Variants in PKHD1 observed in about 807,000 individuals in gnomAD.
PKHD1 encodes PKHD1 ciliary IPT domain containing fibrocystin/polyductin.
PKHD1 carries 291 observed loss-of-function variants against 412.0 expected under a neutral mutation model. The ratio of observed to expected loss-of-function variants is 0.71; its 90% confidence interval spans 0.64 to 0.78. The LOEUF (loss-of-function observed/expected upper bound fraction) is 0.78, where lower values mean the gene tolerates loss of function less well. PKHD1 is among the 30% of genes least tolerant of loss of function. PKHD1 has a pLI of 0.00. For synonymous variants in PKHD1, 1,777 were observed against 1,821.5 expected (o/e 0.98, Z 0.62); for missense variants, 4,825 against 4,950.7 (o/e 0.97, Z 0.76).
chr6:51,813,264 G>A (rs1338707238), intron 52 of PKHD1, among the ~76,000 whole-genome samples: 1 of 152,096 alleles, frequency 6.6e-6, no homozygotes, highest in African/African-American at 2.4e-5. Flanking sequence ...GTCAAACATG[G>A]TGCCAATGTC....
intron 60 of PKHD1, among the ~76,000 whole-genome samples, chr6:51,676,258 A>G (rs1177727464): frequency 6.6e-6 from 1 of 151,278 alleles, no homozygotes; most frequent in Non-Finnish European, 1.5e-5. Flanking sequence ...AAAAGAAAAA[A>G]AAAAACTTCT....
In PKHD1 at chr6:51,755,123, T is replaced by C. The variant is rs9370050; in HGVS notation, c.8643-185A>G. On this transcript the variant is annotated intron_variant, in intron 55 of 66. Transcript: ENST00000371117. Reference sequence around the variant, plus strand: ...AGTTTAATTTAGCTAATGGAGTCAGTTTTCTGGCTTGAAAATGTATATGTT... The same window carrying C: ...AGTTTAATTTAGCTAATGGAGTCAGCTTTCTGGCTTGAAAATGTATATGTT... Among the ~76,000 whole-genome samples, 48,614 of 151,936 alleles carry C rather than the reference T, an allele frequency of 0.32. 9,656 individuals are homozygous for C. The highest frequency in any genetic ancestry group is 0.69 in the East Asian group (3,570 of 5,140).
chr6:51,906,011 A>G (rs1226216766), intron 41 of PKHD1, among the ~76,000 whole-genome samples: 2 of 152,170 alleles, frequency 1.3e-5, no homozygotes, highest in African/African-American at 4.8e-5. Context: ...TAACCTTTAA[A>G]AGATCAGTAT....
chr6:51,783,592 C>T (rs183031208), intron 53 of PKHD1, among the ~76,000 whole-genome samples: 1 of 151,836 alleles, frequency 6.6e-6, no homozygotes, highest in Admixed American at 6.6e-5. Flanking sequence ...CAACAAGGAA[C>T]ATATTTGTTA....
chr6:51,866,293 A>C (rs1314490968), intron 48 of PKHD1, among the ~76,000 whole-genome samples: 2 of 152,182 alleles, frequency 1.3e-5, no homozygotes, highest in Non-Finnish European at 2.9e-5. Flanking sequence ...TGACTGAGGA[A>C]GTTTCCAGAA....
chr6:51,629,214 G>A (rs924136074), intron 65 of PKHD1, among the ~76,000 whole-genome samples: 1 of 152,030 alleles, frequency 6.6e-6, no homozygotes, highest in African/African-American at 2.4e-5. Context: ...TAAAAAAAGT[G>A]GGACCGAATT....
chr6:52,015,551 G>T (rs1346354826), intron 34 of PKHD1, among the ~76,000 whole-genome samples: 1 of 151,900 alleles, frequency 6.6e-6, no homozygotes, highest in Non-Finnish European at 1.5e-5. Flanking sequence ...TTGGCCGAGT[G>T]CAGTGGCTCA....
intron 55 of PKHD1, among the ~76,000 whole-genome samples, chr6:51,763,160 A>G (rs1210847793): frequency 6.6e-6 from 1 of 152,106 alleles, no homozygotes; most frequent in Non-Finnish European, 1.5e-5. Context: ...CAGCCTCAGG[A>G]ATTTCTAGCT....
At chr6:51,834,240 G>A (rs1307329723) in intron 51 of PKHD1, among the ~76,000 whole-genome samples, 1 of 152,146 alleles carries the variant, frequency 6.6e-6, no homozygotes, top group African/African-American at 2.4e-5. Flanking sequence ...TGAGTTGTTC[G>A]CTGATGGGGG....
At chr6:51,889,019 C>T (rs7748393) in intron 43 of PKHD1, among the ~76,000 whole-genome samples, 13,600 of 151,944 alleles carry the variant, frequency 0.09, 951 homozygotes, top group African/African-American at 0.2. Flanking sequence ...ATGCCCATGT[C>T]TACCTGGAGA....
At chr6:51,859,809 C>T (rs187602176) in intron 48 of PKHD1, among the ~76,000 whole-genome samples, 107 of 152,188 alleles carry the variant, frequency 7.0e-4, no homozygotes, top group African/African-American at 2.4e-3. Context: ...AAATGTGGTC[C>T]CTCTTCAAAT....
chr6:51,661,714 A>C (rs1416217203), intron 60 of PKHD1, among the ~76,000 whole-genome samples: 1 of 152,100 alleles, frequency 6.6e-6, no homozygotes, highest in Non-Finnish European at 1.5e-5. Flanking sequence ...TTTTGAATCC[A>C]TAGGGATATT....
chr6:51,622,738 C>T (rs1463196877), intron 66 of PKHD1: 2 of 152,080 alleles, frequency 1.3e-5, no homozygotes, highest in African/African-American at 4.8e-5. Context: ...TTGTGATACT[C>T]TAGAAATGGA....
chr6:51,620,623 T>C (rs953164545), intron 66 of PKHD1, among the ~76,000 whole-genome samples: 1 of 152,010 alleles, frequency 6.6e-6, no homozygotes, highest in African/African-American at 2.4e-5. Flanking sequence ...TTGTTATTTT[T>C]TTCCTGAGTT....
At chr6:51,809,067 A>G (rs1764282853) in intron 52 of PKHD1, among the ~76,000 whole-genome samples, 1 of 152,152 alleles carries the variant, frequency 6.6e-6, no homozygotes. Flanking sequence ...TCAATATCCC[A>G]AGAACTAATA....
At chr6:52,085,283 A>G (rs191233206) in intron 1 of PKHD1, among the ~76,000 whole-genome samples, 1 of 152,374 alleles carries the variant, frequency 6.6e-6, no homozygotes, top group African/African-American at 2.4e-5. Flanking sequence ...ATTGAACAGA[A>G]GCTGAGTTTT....
intron 1 of PKHD1, among the ~76,000 whole-genome samples, chr6:52,085,946 C>T (rs1479621405): frequency 6.6e-6 from 1 of 151,758 alleles, no homozygotes; most frequent in Non-Finnish European, 1.5e-5. Context: ...CTGAAATTTT[C>T]TGAAAGTTTG....
intron 48 of PKHD1, among the ~76,000 whole-genome samples, chr6:51,860,767 G>A (rs1027439524): frequency 6.6e-6 from 1 of 151,932 alleles, no homozygotes; most frequent in African/African-American, 2.4e-5. Flanking sequence ...TTTCTTTTCT[G>A]TGGGCTGTCT....
intron 60 of PKHD1, among the ~76,000 whole-genome samples, chr6:51,669,082 C>T (rs977275484): frequency 4.6e-5 from 7 of 152,050 alleles, no homozygotes; most frequent in Non-Finnish European, 7.4e-5. Context: ...GGGAGGATTC[C>T]CTCTTTTTCT....
Sources: allele counts gnomAD v4.1 joint callset (sites outside exome capture counted in the v4.1 genomes callset), GRCh38; gene constraint gnomAD v4.1.1; transcripts MANE v1.5; gene names NCBI Gene and HGNC (gene_info 2026-07-23, HGNC 2026-07-21).